Variants in KLF12 observed in about 807,000 individuals in gnomAD.
KLF12 encodes KLF transcription factor 12.
In KLF12, 9 loss-of-function variants were observed where a neutral mutation model predicts 37.8. The ratio of observed to expected loss-of-function variants is 0.24; its 90% CI spans 0.14 to 0.42. The LOEUF is 0.42. Among genes scored for constraint, KLF12 ranks in the 10% least tolerant of loss-of-function variants. The pLI, the probability that KLF12 is intolerant of heterozygous loss-of-function variation, is 1.00. For missense variants in KLF12, 411 were observed against 516.0 expected, an observed-to-expected ratio of 0.80 and a Z score of 1.97; for synonymous variants, 208 against 202.1, an observed-to-expected ratio of 1.03 and a Z score of -0.25.
intron 7 of KLF12, among the ~76,000 whole-genome samples, chr13:73,711,640 T>C (rs1165812646): frequency 6.6e-6 from 1 of 152,218 alleles, no homozygotes; most frequent in Non-Finnish European, 1.5e-5. Context: ...TTGAGAAATA[T>C]TACTGCTCAC....
chr13:73,785,713 A>G (rs997400192), intron 5 of KLF12, among the ~76,000 whole-genome samples: 1 of 151,902 alleles, frequency 6.6e-6, no homozygotes, highest in African/African-American at 2.4e-5. Flanking sequence ...ACACTTAGAG[A>G]GTCATGCTCT....
At chr13:74,060,853 A>G (rs987094248) in intron 1 of KLF12, among the ~76,000 whole-genome samples, 1 of 152,106 alleles carries the variant, frequency 6.6e-6, no homozygotes, top group Non-Finnish European at 1.5e-5. Flanking sequence ...ACTGATCTCT[A>G]TTCACAGGTT....
upstream of KLF12, among the ~76,000 whole-genome samples, chr13:74,135,568 C>T (rs1422593040): frequency 6.6e-6 from 1 of 150,650 alleles, no homozygotes; most frequent in African/African-American, 2.4e-5. Context: ...TCGGCGGGGG[C>T]GGGGAGCAGA....
chr13:73,732,426 G>A (rs1043917598), intron 6 of KLF12, among the ~76,000 whole-genome samples: 2 of 151,956 alleles, frequency 1.3e-5, no homozygotes, highest in African/African-American at 2.4e-5. Flanking sequence ...AGAAATCTGG[G>A]GTTCAGTCAT....
At chr13:73,920,319 G>A (rs191932799) in intron 3 of KLF12, among the ~76,000 whole-genome samples, 38 of 152,056 alleles carry the variant, frequency 2.5e-4, no homozygotes, top group African/African-American at 8.7e-4. Context: ...GTGAAGCTTG[G>A]TTGTGTCTTC....
chr13:74,025,117 T>A (rs890427782), intron 1 of KLF12, among the ~76,000 whole-genome samples: 2 of 152,208 alleles, frequency 1.3e-5, no homozygotes, highest in African/African-American at 4.8e-5. Flanking sequence ...AAATTTAAAG[T>A]GTCTTAGAAG....
intron 3 of KLF12, among the ~76,000 whole-genome samples, chr13:73,943,526 T>C (rs1378902735): frequency 2.0e-5 from 3 of 152,226 alleles, no homozygotes; most frequent in Non-Finnish European, 4.4e-5. Flanking sequence ...CTAGTACTCC[T>C]ACAGTAAGAA....
intron 7 of KLF12, among the ~76,000 whole-genome samples, chr13:73,712,693 A>G (rs1432386143): frequency 6.6e-6 from 1 of 152,228 alleles, no homozygotes; most frequent in African/African-American, 2.4e-5. Flanking sequence ...TGCTGTCTTA[A>G]GAAATTTCCA....
the KLF12 span, among the ~76,000 whole-genome samples, chr13:74,271,240 C>G: frequency 6.6e-6 from 1 of 152,150 alleles, no homozygotes; most frequent in African/African-American, 2.4e-5. Context: ...CAAAACCAGT[C>G]CCTGATGCCA....
At chr13:73,872,810 T>C (rs1349280897) in intron 3 of KLF12, among the ~76,000 whole-genome samples, 1 of 152,208 alleles carries the variant, frequency 6.6e-6, no homozygotes, top group Non-Finnish European at 1.5e-5. Context: ...TAAAGTACTG[T>C]CTGACATATT....
chr13:73,807,721 T>C (rs1284512873), intron 5 of KLF12, among the ~76,000 whole-genome samples: 2 of 152,218 alleles, frequency 1.3e-5, no homozygotes, highest in African/African-American at 4.8e-5. Context: ...AACATGTAAT[T>C]CATTAGTTCT....
At chr13:74,117,628 T>C (rs1877384339) in intron 1 of KLF12, among the ~76,000 whole-genome samples, 1 of 152,186 alleles carries the variant, frequency 6.6e-6, no homozygotes, top group Non-Finnish European at 1.5e-5. Flanking sequence ...CAAATACCAC[T>C]TTAACCAAGT....
intron 6 of KLF12, among the ~76,000 whole-genome samples, chr13:73,749,473 A>G (rs1009301139): frequency 6.6e-6 from 1 of 152,204 alleles, no homozygotes; most frequent in African/African-American, 2.4e-5. Context: ...TAGCACAGCC[A>G]AAGGAAAAAG....
At chr13:74,235,799 T>G in the KLF12 span, among the ~76,000 whole-genome samples, 6 of 152,250 alleles carry the variant, frequency 3.9e-5, no homozygotes, top group Middle Eastern at 3.4e-3. Flanking sequence ...CATTTTGTTT[T>G]AAATTAAAAT....
the KLF12 span, among the ~76,000 whole-genome samples, chr13:74,210,642 A>T: frequency 6.6e-6 from 1 of 152,178 alleles, no homozygotes; most frequent in Non-Finnish European, 1.5e-5. Context: ...GTTACTGAGC[A>T]TTTTCTAAAT....
chr13:73,973,816 A>G (rs1891418557), intron 2 of KLF12, among the ~76,000 whole-genome samples: 1 of 152,214 alleles, frequency 6.6e-6, no homozygotes, highest in Non-Finnish European at 1.5e-5. Context: ...ACAGCTTAAA[A>G]GCAGAAGGCT....
At chr13:74,185,208 T>A in the KLF12 span, among the ~76,000 whole-genome samples, 49 of 152,350 alleles carry the variant, frequency 3.2e-4, no homozygotes, top group African/African-American at 1.2e-3. Flanking sequence ...TATAACACAA[T>A]AAATATTTTT....
chr13:74,189,784 C>T, the KLF12 span, among the ~76,000 whole-genome samples: 8 of 151,988 alleles, frequency 5.3e-5, no homozygotes, highest in Admixed American at 1.3e-4. Flanking sequence ...TTTTTTTCAT[C>T]TTAACAAGTT....
intron 1 of KLF12, among the ~76,000 whole-genome samples, chr13:74,023,262 T>C (rs928444654): frequency 2.6e-5 from 4 of 152,230 alleles, no homozygotes; most frequent in South Asian, 2.1e-4. Flanking sequence ...GGTTTTGTTT[T>C]TGAGAATTTT....
Sources: gnomAD v4.1 joint callset for allele counts (sites outside exome capture counted in the v4.1 genomes callset) on GRCh38, gnomAD v4.1.1 for gene constraint, MANE v1.5 for transcripts, NCBI Gene and HGNC (gene_info 2026-07-23, HGNC 2026-07-21) for gene names.